NWD2: variants seen among roughly 807,000 people sequenced by gnomAD.
The protein encoded by NWD2 is NACHT and WD repeat domain-containing protein 2.
Under a neutral mutation model 132.7 loss-of-function variants are expected in NWD2, and 37 were observed. The observed-to-expected ratio is 0.28, with a 90% CI of 0.21 to 0.37. The LOEUF is 0.37. Ranked by LOEUF, NWD2 falls within the 10% of genes least tolerant of loss-of-function variation. The pLI is 1.00. For missense variants in NWD2, 1,592 were observed against 2,122.4 expected, an observed-to-expected ratio of 0.75 and a Z score of 4.91; for synonymous variants, 705 against 803.0, an observed-to-expected ratio of 0.88 and a Z score of 2.06.
intron 3 of NWD2, among the ~76,000 whole-genome samples, chr4:37,374,237 G>A (rs1720298890): frequency 6.6e-6 from 1 of 152,156 alleles, no homozygotes; most frequent in African/African-American, 2.4e-5. Context: ...TGCTCCCTCT[G>A]TCTCCATGTG....
At chr4:37,273,713 G>T (rs1361118385) in intron 1 of NWD2, among the ~76,000 whole-genome samples, 2 of 152,092 alleles carry the variant, frequency 1.3e-5, no homozygotes, top group East Asian at 1.9e-4. Context: ...TAAAAGGACA[G>T]AAATTATTAC....
At chr4:37,280,398 G>A (rs905424776) in intron 1 of NWD2, among the ~76,000 whole-genome samples, 1 of 152,052 alleles carries the variant, frequency 6.6e-6, no homozygotes, top group Admixed American at 6.6e-5. Flanking sequence ...ATGGCAGGAT[G>A]ACTCACGCCC....
At chr4:37,419,159 C>G (rs565104555) in intron 3 of NWD2, among the ~76,000 whole-genome samples, 8 of 152,164 alleles carry the variant, frequency 5.3e-5, no homozygotes, top group Non-Finnish European at 1.2e-4. Flanking sequence ...AAAATATTCC[C>G]TATTTAATAA....
chr4:37,276,856 C>G (rs1392269008), intron 1 of NWD2, among the ~76,000 whole-genome samples: 1 of 151,958 alleles, frequency 6.6e-6, no homozygotes, highest in East Asian at 1.9e-4. Context: ...AAGCTGGAAA[C>G]CATCATTCTC....
chr4:37,263,949 C>T (rs979611164), intron 1 of NWD2, among the ~76,000 whole-genome samples: 1 of 152,122 alleles, frequency 6.6e-6, no homozygotes, highest in Admixed American at 6.5e-5. Context: ...ACTTTCTGGG[C>T]ATCTCTTAAA....
chr4:37,293,992 A>G (rs530715354), intron 1 of NWD2, among the ~76,000 whole-genome samples: 9 of 152,296 alleles, frequency 5.9e-5, no homozygotes, highest in African/African-American at 1.9e-4. Context: ...CGTTATAGGT[A>G]AGGCTCACTA....
chr4:37,417,344 C>T lies in NWD2; in HGVS notation c.358-13228C>T, dbSNP rs181864886. Among the ~76,000 whole-genome samples the T allele has an allele frequency of 2.7e-5, 4 of 147,956 alleles. No individual in the cohort carries two copies. In the East Asian group the frequency reaches 5.9e-4, roughly 22 times the overall value. On this transcript the variant is annotated intron_variant, in intron 3 of 6. Coordinates refer to ENST00000309447, the MANE Select transcript of NWD2 (RefSeq NM_001144990.2). ...TGGATTTAAACTTACTGACATAGAGCCATTGCAAAAAAAATGAATTTTAAA... is the reference window on the plus strand; with the variant it reads ...TGGATTTAAACTTACTGACATAGAGTCATTGCAAAAAAAATGAATTTTAAA...
chr4:37,432,246 A>G (rs2109326653), intron 4 of NWD2, among the ~76,000 whole-genome samples: 1 of 152,166 alleles, frequency 6.6e-6, no homozygotes. Flanking sequence ...TCTCTTTCAC[A>G]TAATCAATGA....
chr4:37,425,496 T>C (rs1463572), intron 3 of NWD2, among the ~76,000 whole-genome samples: 6 of 152,224 alleles, frequency 3.9e-5, no homozygotes, highest in Non-Finnish European at 8.8e-5. Flanking sequence ...TATAGATTTC[T>C]ACAGACAGGC....
At chr4:37,379,190 G>A (rs912342814) in intron 3 of NWD2, among the ~76,000 whole-genome samples, 1 of 152,134 alleles carries the variant, frequency 6.6e-6, no homozygotes, top group African/African-American at 2.4e-5. Context: ...AACACTTTCT[G>A]GTCTGTTTTG....
chr4:37,348,035 A>G (rs557860558), intron 2 of NWD2, among the ~76,000 whole-genome samples: 2 of 152,304 alleles, frequency 1.3e-5, no homozygotes, highest in South Asian at 4.1e-4. Flanking sequence ...TGTTATCACA[A>G]TTTTCTGGTA....
intron 2 of NWD2, among the ~76,000 whole-genome samples, chr4:37,349,112 T>C (rs1466276678): frequency 6.6e-6 from 1 of 152,152 alleles, no homozygotes; most frequent in African/African-American, 2.4e-5. Context: ...TTCCAAGTCT[T>C]TGCTATTGTG....
intron 1 of NWD2, among the ~76,000 whole-genome samples, chr4:37,260,187 C>A (rs941925617): frequency 6.6e-6 from 1 of 152,140 alleles, no homozygotes; most frequent in African/African-American, 2.4e-5. Flanking sequence ...GTGTGACGTT[C>A]TTGTCCTTGA....
rs1374339018 is a variant in NWD2 at position 37,445,855 on chromosome 4, A to T, written c.3867A>T (p.Leu1289=). 1 of 1,552,016 alleles carries T rather than the reference A, an allele frequency of 6.4e-7. No individual in the cohort carries two copies. The highest frequency in any genetic ancestry group is 1.2e-5 in the South Asian group (1 of 84,064). ...TGAAATCCAGTCACCACAATATGCT[A>T]CTGTCTTTATCAACCAGTGGTGTTC... ...KLVKSSHHNM[L]LSLSTSGVLS... Residue 1289 remains leucine (L), a synonymous_variant, in exon 7 of 7, where the codon CTA becomes CTT. Coordinates refer to ENST00000309447, the MANE Select transcript of NWD2 (RefSeq NM_001144990.2). The surrounding 1 kb of genome is among the most constrained non-coding windows in gnomAD (Gnocchi z 4.7).
intron 2 of NWD2, among the ~76,000 whole-genome samples, chr4:37,336,100 C>G (rs1007328368): frequency 2.0e-5 from 3 of 151,880 alleles, no homozygotes; most frequent in Non-Finnish European, 2.9e-5. Context: ...TGCTTATGCT[C>G]AAGTCTTTTT....
At position 37,444,227 on chromosome 4, in the gene NWD2, C is replaced by CT; in HGVS notation, c.2239_2240insT (p.Gln747LeufsTer3). 1 of 1,551,684 alleles carries CT rather than the reference C, an allele frequency of 6.4e-7. No homozygotes were observed. Among genetic ancestry groups the CT allele is most frequent in the Non-Finnish European group, 8.7e-7 (1 of 1,146,978 alleles). Reference sequence around the variant, plus strand: ...GCTCATAGCCCAGAAGCTATATCTGCAGGATGACAATGACCTGCGTGAAAT... The same window carrying CT: ...GCTCATAGCCCAGAAGCTATATCTGCTAGGATGACAATGACCTGCGTGAAAT... On this transcript the variant is annotated frameshift_variant, in exon 7 of 7. Transcript: ENST00000309447. LOFTEE classifies it high-confidence loss of function. The surrounding 1 kb of genome is among the most constrained non-coding windows in gnomAD (Gnocchi z 4.8).
intron 3 of NWD2, among the ~76,000 whole-genome samples, chr4:37,381,637 C>T: frequency 6.6e-6 from 1 of 152,154 alleles, no homozygotes; most frequent in East Asian, 1.9e-4. Context: ...AAATTAATAC[C>T]AAAGCTACTC....
intron 2 of NWD2, among the ~76,000 whole-genome samples, chr4:37,340,170 T>TTTAA (rs949374136): frequency 6.6e-6 from 1 of 152,168 alleles, no homozygotes; most frequent in Non-Finnish European, 1.5e-5. Context: ...ATCTTTAAGT[T>TTTAA]TTAAGTCTCC....
In NWD2 at chr4:37,443,737, C is replaced by T; in HGVS notation, c.1749C>T (p.His583=). 6.4e-7 allele frequency: 1 copy of T among 1,551,996 alleles called. No individual in the cohort carries two copies. Among genetic ancestry groups the T allele is most frequent in the South Asian group, 1.2e-5 (1 of 84,048 alleles). ...AGATGTGCAGCCAGGTCCTCAAACACCAGCTGCTGCGCGTCAAAAGGAAGG... is the reference window on the plus strand; with the variant it reads ...AGATGTGCAGCCAGGTCCTCAAACATCAGCTGCTGCGCGTCAAAAGGAAGG... ...DRKMCSQVLK[H]QLLRVKRKVT... The change falls in exon 7 of 7, where the codon CAC becomes CAT. Residue 583 remains histidine, a synonymous_variant. Transcript: ENST00000309447. The surrounding 1 kb of genome is among the most constrained non-coding windows in gnomAD (Gnocchi z 4.1).
Sources: allele counts gnomAD v4.1 joint callset (sites outside exome capture counted in the v4.1 genomes callset), GRCh38; gene constraint gnomAD v4.1.1; non-coding constraint Gnocchi (gnomAD v3.1); transcripts MANE v1.5; gene names NCBI Gene and HGNC (gene_info 2026-07-23, HGNC 2026-07-21).